PLEKHA6: variants seen among roughly 807,000 people sequenced by gnomAD.
PLEKHA6 encodes pleckstrin homology domain containing A6, also known as pleckstrin homology domain-containing family A member 6.
Under a neutral mutation model 116.7 loss-of-function variants are expected in PLEKHA6, and 60 were observed. That is an observed-to-expected ratio of 0.51 (90% CI 0.42 to 0.64). The LOEUF is 0.64. Among genes scored for constraint, PLEKHA6 ranks in the 30% least tolerant of loss-of-function variants. The pLI, the probability that PLEKHA6 is intolerant of heterozygous loss-of-function variation, is 0.00. For synonymous variants in PLEKHA6, 489 were observed against 556.1 expected, an observed-to-expected ratio of 0.88 and a Z score of 1.70; for missense variants, 1,338 against 1,422.7, an observed-to-expected ratio of 0.94 and a Z score of 0.96.
chr1:204,252,897 T>C (rs943437466), intron 9 of PLEKHA6, among the ~76,000 whole-genome samples: 4 of 152,358 alleles, frequency 2.6e-5, no homozygotes, highest in Admixed American at 2.0e-4. Context: ...ATCTCATTCC[T>C]TCCCCAACAC....
In PLEKHA6 at chr1:204,273,628, G is replaced by A. The variant is rs144821028; in HGVS notation, c.100C>T (p.Arg34Trp). ...SEVPPERPSVRATRTARKAVA... is the reference protein window; with the variant it reads ...SEVPPERPSVWATRTARKAVA... ...CTTGCCTTGAGGGCTGGACTTACCCGGACGCTGGGCCGCTCTGGAGGGACC... is the reference window on the plus strand; with the variant it reads ...CTTGCCTTGAGGGCTGGACTTACCCAGACGCTGGGCCGCTCTGGAGGGACC... The change falls in exon 3 of 23, where the codon CGG becomes TGG. Residue 34 changes from arginine to tryptophan, a missense_variant and splice_region_variant. Physicochemically the swap from Arg to Trp is moderately radical, Grantham distance 101. Transcript: ENST00000272203. 317 of 1,611,436 alleles carry A rather than the reference G, an allele frequency of 2.0e-4. No individual in the cohort carries two copies. The highest frequency in any genetic ancestry group is 2.5e-4 in the Non-Finnish European group (293 of 1,177,568).
chr1:204,296,028 A>G, intron 1 of PLEKHA6, among the ~76,000 whole-genome samples: 1 of 152,160 alleles, frequency 6.6e-6, no homozygotes, highest in Non-Finnish European at 1.5e-5. Flanking sequence ...CATGACGTGC[A>G]GGCAGGGGAC....
chr1:204,256,343 G>A (rs1457780338), intron 9 of PLEKHA6, among the ~76,000 whole-genome samples: 3 of 152,140 alleles, frequency 2.0e-5, no homozygotes, highest in African/African-American at 7.2e-5. Context: ...GAAAAAGGAG[G>A]AGATGCAATT....
Position 204,261,871 on chromosome 1 carries a change from T to C in PLEKHA6, c.382-423A>G. ...AGCCCCAGCTTCACTGCTGAGAAGC[T>C]AGCACTGTCTCTTCCACGTGGAGAG... is the stretch of plus-strand genomic sequence containing the variant. On this transcript the variant is annotated intron_variant, in intron 6 of 22. Transcript: ENST00000272203. The surrounding 1 kb of genome is among the most constrained non-coding windows in gnomAD (Gnocchi z 4.0). 3.8e-6 allele frequency: 1 copy of C among 260,778 alleles called. No homozygotes were observed. 16.2% of individuals were successfully genotyped at this position (260,778 alleles called of 1,614,324 possible).
At chr1:204,314,995 C>T (rs769854524) in intron 1 of PLEKHA6, among the ~76,000 whole-genome samples, 7 of 152,208 alleles carry the variant, frequency 4.6e-5, no homozygotes, top group Non-Finnish European at 1.0e-4. Flanking sequence ...CTGGCACACA[C>T]TCCTGCACCA....
At chr1:204,358,454 A>G (rs983906017) in intron 1 of PLEKHA6, among the ~76,000 whole-genome samples, 1 of 151,910 alleles carries the variant, frequency 6.6e-6, no homozygotes, top group African/African-American at 2.4e-5. Context: ...TCAGTTTCAT[A>G]CTCTTCCAGG....
chr1:204,259,344 T>C lies in PLEKHA6; in HGVS notation c.921A>G (p.Lys307=). The C allele has an allele frequency of 6.2e-7, 1 of 1,614,166 alleles. No individual in the cohort carries two copies. The highest frequency in any genetic ancestry group is 8.5e-7 in the Non-Finnish European group (1 of 1,180,018). The part of the protein sequence containing the change: ...RSFPPRTNPD[K]IAQRKSSMNQ... ...TCATGGAGCTCTTGCGCTGGGCAAT[T>C]TTGTCAGGGTTGGTGCGTGGTGGGA... The change falls in exon 8 of 23, where the codon AAA becomes AAG. Residue 307 remains lysine (K), a synonymous_variant. Transcript: ENST00000272203. The surrounding 1 kb of genome is among the most constrained non-coding windows in gnomAD (Gnocchi z 4.6).
At chr1:204,342,021 A>G (rs1469942836) in intron 1 of PLEKHA6, among the ~76,000 whole-genome samples, 1 of 152,096 alleles carries the variant, frequency 6.6e-6, no homozygotes, top group East Asian at 1.9e-4. Flanking sequence ...CCCCATCTCT[A>G]TTAAAAATAC....
intron 9 of PLEKHA6, among the ~76,000 whole-genome samples, chr1:204,254,568 G>C (rs984404136): frequency 1.3e-5 from 2 of 152,128 alleles, no homozygotes; most frequent in African/African-American, 4.8e-5. Flanking sequence ...CACTGTCCAA[G>C]CTCGGCTGTT....
chr1:204,285,434 TTTG>T (rs1669047924), intron 1 of PLEKHA6, among the ~76,000 whole-genome samples: 1 of 152,072 alleles, frequency 6.6e-6, no homozygotes, highest in Admixed American at 6.5e-5. Context: ...TTTTGGGTTT[TTTG>T]TTGTTTTTGT....
At chr1:204,334,311 C>T (rs1290465105) in intron 1 of PLEKHA6, among the ~76,000 whole-genome samples, 1 of 152,132 alleles carries the variant, frequency 6.6e-6, no homozygotes, top group African/African-American at 2.4e-5. Flanking sequence ...CTCAGTCAAA[C>T]CTCAAATCTT....
chr1:204,370,822 G>A (rs1162130902), intron 2 of PLEKHA6, among the ~76,000 whole-genome samples: 1 of 152,140 alleles, frequency 6.6e-6, no homozygotes, highest in African/African-American at 2.4e-5. Context: ...GGGAAGTCGA[G>A]GTGGGTGGAT....
chr1:204,259,577 T>C lies in PLEKHA6; in HGVS notation c.688A>G (p.Lys230Glu). The C allele has an allele frequency of 6.2e-7, 1 of 1,614,100 alleles. No homozygotes were observed. Among genetic ancestry groups the C allele is most frequent in the African/African-American group, 1.3e-5 (1 of 75,074 alleles). The part of the protein sequence containing the change: ...ERRPERPEVK[K>E]EPPVKANGLP... ...CCATTGGCTTTCACCGGAGGCTCTT[T>C]CTTGACTTCTGGCCTCTCAGGCCTT... The change falls in exon 8 of 23, where the codon AAA (lysine) becomes GAA (glutamate). Residue 230 changes from lysine (K) to glutamate (E), a missense_variant. Transcript: ENST00000272203. The surrounding 1 kb of genome is among the most constrained non-coding windows in gnomAD (Gnocchi z 4.6).
chr1:204,347,686 T>C (rs998419468), intron 1 of PLEKHA6, among the ~76,000 whole-genome samples: 4 of 151,970 alleles, frequency 2.6e-5, no homozygotes, highest in African/African-American at 9.7e-5. Context: ...GGGGAACTAA[T>C]AAATGTCCAT....
At chr1:204,253,843 A>AC (rs1558070138) in intron 9 of PLEKHA6, among the ~76,000 whole-genome samples, 2 of 150,512 alleles carry the variant, frequency 1.3e-5, no homozygotes, top group Admixed American at 6.7e-5. Context: ...CAAAAAAAAA[A>AC]AAAAAAACAA....
intron 1 of PLEKHA6, among the ~76,000 whole-genome samples, chr1:204,340,496 C>T (rs1476580365): frequency 6.6e-6 from 1 of 152,182 alleles, no homozygotes; most frequent in Non-Finnish European, 1.5e-5. Context: ...GATGAGACCA[C>T]ACATCCTGGA....
At chr1:204,301,261 A>T in intron 1 of PLEKHA6, 1 of 983,952 alleles carries the variant, frequency 1.0e-6, no homozygotes. Context: ...AAAGATGCTG[A>T]CAGCGAGTCA....
intron 12 of PLEKHA6, among the ~76,000 whole-genome samples, chr1:204,248,216 TG>T (rs556427470): frequency 1.7e-3 from 226 of 136,352 alleles, no homozygotes; most frequent in African/African-American, 6.0e-3. Context: ...TGGAGTGCAA[TG>T]GTGCGATCTC....
At chr1:204,288,724 T>C (rs1669448724) in intron 1 of PLEKHA6, among the ~76,000 whole-genome samples, 1 of 152,186 alleles carries the variant, frequency 6.6e-6, no homozygotes, top group African/African-American at 2.4e-5. Context: ...GCCTGGCTGT[T>C]CAGCTAGAGG....
Sources: allele counts gnomAD v4.1 joint callset (sites outside exome capture counted in the v4.1 genomes callset), GRCh38; gene constraint gnomAD v4.1.1; non-coding constraint Gnocchi (gnomAD v3.1); transcripts MANE v1.5; gene names NCBI Gene and HGNC (gene_info 2026-07-23, HGNC 2026-07-21).